The following AMZ2 variants were observed in gnomAD, a reference collection of about 807,000 sequenced individuals.
AMZ2 encodes archaelysin family metallopeptidase 2.
A neutral mutation model predicts 36.7 loss-of-function variants in AMZ2; 26 were observed. The ratio of observed to expected loss-of-function variants is 0.71; its 90% confidence interval spans 0.52 to 0.98. The LOEUF (loss-of-function observed/expected upper bound fraction) is 0.98. Ranked by LOEUF, AMZ2 falls within the 50% of genes least tolerant of loss-of-function variation. The probability of loss-of-function intolerance (pLI) is 0.00; values close to 1 mark genes in which losing one functional copy is unlikely to be tolerated. For missense variants in AMZ2, 394 were observed against 430.5 expected, an observed-to-expected ratio of 0.92 and a Z score of 0.75; for synonymous variants, 144 against 149.1, an observed-to-expected ratio of 0.97 and a Z score of 0.25.
At chr17:68,223,066 T>C (rs2073410008) in intron 1 of AMZ2, among the ~76,000 whole-genome samples, 2 of 150,966 alleles carry the variant, frequency 1.3e-5, no homozygotes, top group South Asian at 4.2e-4. Flanking sequence ...AAGGAGGAAA[T>C]TGAGGAAGAG....
chr17:68,251,678 GTATATATAGGCCTGGCA>G (rs1178064501), intron 4 of AMZ2, among the ~76,000 whole-genome samples: 4 of 151,918 alleles, frequency 2.6e-5, no homozygotes, highest in African/African-American at 9.7e-5. Flanking sequence ...AAAAAAAAAT[GTATATATAGGCCTGGCA>G]TATATATAGG....
chr17:68,216,964 T>C (rs568246141), intron 1 of AMZ2, among the ~76,000 whole-genome samples: 10 of 142,842 alleles, frequency 7.0e-5, no homozygotes, highest in South Asian at 6.6e-4. Context: ...ACCCGGGAGG[T>C]GGAGCTTGCA....
chr17:68,249,835 C>G (rs1466866074), intron 1 of AMZ2: 1 of 231,934 alleles, frequency 4.3e-6, no homozygotes, highest in Non-Finnish European at 8.6e-6. Flanking sequence ...TTTGTAGAGA[C>G]AGGGTCTCAC....
Position 68,251,174 on chromosome 17 carries a change from A to T in AMZ2, c.582A>T (p.Thr194=), listed in dbSNP as rs1555739657. The T allele has an allele frequency of 6.2e-7, 1 of 1,609,998 alleles. No homozygotes were observed. Among genetic ancestry groups the T allele is most frequent in the South Asian group, 1.1e-5 (1 of 89,708 alleles). ...WNFVFGQASL[T]DGVGIFSFAR... ...TTGTCTTTGGACAGGCCTCTTTGAC[A>T]GATGGTATTCCGTTTTTGGCATTGT... The change falls in exon 4 of 7, where the codon ACA becomes ACT. Residue 194 remains threonine (T), a synonymous_variant. Transcript: ENST00000359904.
chr17:68,225,026 ACAC>A (rs1455709790), intron 1 of AMZ2, among the ~76,000 whole-genome samples: 1 of 137,156 alleles, frequency 7.3e-6, no homozygotes, highest in Non-Finnish European at 1.6e-5. Flanking sequence ...AAAAAAAAAA[ACAC>A]ACACACACAA....
intron 1 of AMZ2, 88 bp downstream of exon 1, chr17:68,248,793 A>G: frequency 4.1e-6 from 4 of 987,276 alleles, no homozygotes; most frequent in Non-Finnish European, 4.8e-6. Flanking sequence ...AGTGAGGATG[A>G]GCCTATGCTT....
chr17:68,216,213 AG>A, intron 1 of AMZ2, among the ~76,000 whole-genome samples: 1 of 152,142 alleles, frequency 6.6e-6, no homozygotes, highest in Non-Finnish European at 1.5e-5. Context: ...GGCTCACTGC[AG>A]CCTCAATCTC....
upstream of AMZ2, chr17:68,247,823 G>T (rs556416400): frequency 6.2e-4 from 609 of 985,584 alleles, 2 homozygotes; most frequent in African/African-American, 9.2e-3. Flanking sequence ...GGCGACTGCG[G>T]GGGTGGACAG....
intron 1 of AMZ2, among the ~76,000 whole-genome samples, chr17:68,234,815 C>G (rs782667438): frequency 2.6e-5 from 4 of 151,506 alleles, no homozygotes; most frequent in Admixed American, 6.6e-5. Context: ...AGCTAGGAGA[C>G]CAGCCCGGCC....
intron 1 of AMZ2, among the ~76,000 whole-genome samples, chr17:68,222,499 T>G (rs1392996497): frequency 1.3e-5 from 2 of 152,208 alleles, no homozygotes; most frequent in African/African-American, 4.8e-5. Flanking sequence ...ATATTACATT[T>G]ATTTCTGTTA....
intron 1 of AMZ2, among the ~76,000 whole-genome samples, chr17:68,233,635 T>C (rs1432191119): frequency 6.6e-6 from 1 of 152,166 alleles, no homozygotes; most frequent in African/African-American, 2.4e-5. Flanking sequence ...ATTGGGGTTT[T>C]TCTACATCAT....
At chr17:68,234,588 T>C (rs781860244) in intron 1 of AMZ2, among the ~76,000 whole-genome samples, 1 of 151,652 alleles carries the variant, frequency 6.6e-6, no homozygotes. Context: ...TAGTGAGACA[T>C]CTATACTACA....
chr17:68,249,173 T>A, intron 1 of AMZ2: 1 of 989,766 alleles, frequency 1.0e-6, no homozygotes. Context: ...CTTCAGTGGC[T>A]AAGCTGTAGT....
Position 68,235,587 on chromosome 17 carries a change from C to A in AMZ2, c.-66-13053C>A, listed in dbSNP as rs1281595983. The stretch of plus-strand genomic sequence containing the variant: ...TTACGGAGCCCCTATCCGGGACAGC[C>A]TCAATCCCTCAGGGCCCCTCTCGGT... On this transcript the variant is annotated intron_variant, in intron 1 of 7. Coordinates refer to the AMZ2 transcript ENST00000674770. This position sits in a 1 kb window ranked among gnomAD's most constrained non-coding sequence, Gnocchi z 4.2. Among the ~76,000 whole-genome samples the A allele has an allele frequency of 6.6e-6, 1 of 152,082 alleles. No individual in the cohort carries two copies. The highest frequency in any genetic ancestry group is 1.5e-5 in the Non-Finnish European group (1 of 68,012).
At chr17:68,214,388 A>C (rs1258235949) in intron 1 of AMZ2, among the ~76,000 whole-genome samples, 2 of 152,130 alleles carry the variant, frequency 1.3e-5, no homozygotes, top group African/African-American at 4.8e-5. Flanking sequence ...CTGGTGGCTG[A>C]GTGGTGGAAG....
chr17:68,241,241 T>A (rs1289753336), intron 1 of AMZ2, among the ~76,000 whole-genome samples: 2 of 152,214 alleles, frequency 1.3e-5, no homozygotes, highest in Non-Finnish European at 2.9e-5. Context: ...ATTATATAAT[T>A]TTTTAAGAAA....
intron 4 of AMZ2, among the ~76,000 whole-genome samples, chr17:68,253,266 T>A (rs746962598): frequency 5.3e-5 from 8 of 152,226 alleles, no homozygotes; most frequent in Non-Finnish European, 1.0e-4. Context: ...AGTCTACATT[T>A]TCTGGGTAAA....
Position 68,255,845 on chromosome 17 carries a change from C to T in AMZ2, c.896C>T (p.Ala299Val). Residue 299 changes from alanine (A) to valine (V), a missense_variant, in exon 6 of 7, where the codon GCT becomes GTT. Coordinates refer to ENST00000359904, the MANE Select transcript of AMZ2 (RefSeq NM_016627.5). The part of the protein sequence containing the change: ...CPICLHKLQC[A>V]VGFSIVERYK... The stretch of plus-strand genomic sequence containing the variant: ...ATCTGTTTGCACAAGTTGCAGTGTG[C>T]TGTTGGCTTCAGCATTGTAGAAAGA... The T allele has an allele frequency of 6.2e-7, 1 of 1,613,994 alleles. No individual in the cohort carries two copies. Among genetic ancestry groups the T allele is most frequent in the East Asian group, 2.2e-5 (1 of 44,862 alleles).
At chr17:68,215,397 TG>T (rs1270953773) in intron 1 of AMZ2, among the ~76,000 whole-genome samples, 3 of 134,772 alleles carry the variant, frequency 2.2e-5, no homozygotes, top group Non-Finnish European at 4.9e-5. Flanking sequence ...TCATTCCAAA[TG>T]GTGAAATAAC....
Sources: gnomAD v4.1 joint callset for allele counts (sites outside exome capture counted in the v4.1 genomes callset) on GRCh38, gnomAD v4.1.1 for gene constraint, Gnocchi (gnomAD v3.1) non-coding constraint, MANE v1.5 for transcripts, NCBI Gene and HGNC (gene_info 2026-07-23, HGNC 2026-07-21) for gene names.